Variants in AGBL3 observed in about 807,000 individuals in gnomAD.
The protein encoded by AGBL3 is AGBL carboxypeptidase 3.
In AGBL3, 68 loss-of-function variants were observed where a neutral mutation model predicts 94.5. The observed-to-expected ratio is 0.72, with a 90% CI of 0.59 to 0.88. The LOEUF (loss-of-function observed/expected upper bound fraction) is 0.88. AGBL3 is among the 40% of genes least tolerant of loss of function. AGBL3 has a pLI of 0.00. For synonymous variants in AGBL3, 354 were observed against 370.7 expected, an observed-to-expected ratio of 0.95 and a Z score of 0.52; for missense variants, 934 against 1,103.8, an observed-to-expected ratio of 0.85 and a Z score of 2.18.
chr7:135,128,790 T>G (rs1245178465), intron 16 of AGBL3: 1 of 1,223,718 alleles, frequency 8.2e-7, no homozygotes, highest in African/African-American at 1.5e-5. Context: ...CTTCTGGATC[T>G]GATACAGACC....
chr7:135,120,562 C>T (rs1294270359), intron 16 of AGBL3, among the ~76,000 whole-genome samples: 1 of 152,124 alleles, frequency 6.6e-6, no homozygotes, highest in Non-Finnish European at 1.5e-5. Context: ...AAAAGATAAA[C>T]TTTTTTTAAA....
chr7:135,013,339 G>C (rs1039647334), intron 4 of AGBL3, among the ~76,000 whole-genome samples: 1 of 152,084 alleles, frequency 6.6e-6, no homozygotes, highest in African/African-American at 2.4e-5. Context: ...TTGTAAAAAG[G>C]TTTGACAGTT....
intron 11 of AGBL3, among the ~76,000 whole-genome samples, chr7:135,054,162 A>G (rs1818131508): frequency 1.3e-5 from 2 of 152,230 alleles, no homozygotes; most frequent in Admixed American, 6.5e-5. Context: ...TTTAAGGCCT[A>G]CAATGAATTA....
chr7:135,011,736 C>A (rs1438843764), intron 4 of AGBL3: 1 of 152,128 alleles, frequency 6.6e-6, no homozygotes, highest in Non-Finnish European at 1.5e-5. Flanking sequence ...TTCTGTTTCA[C>A]AGAAACCTTG....
At chr7:135,084,329 ATTTC>A (rs1214865230) in intron 15 of AGBL3, among the ~76,000 whole-genome samples, 1 of 152,156 alleles carries the variant, frequency 6.6e-6, no homozygotes, top group Non-Finnish European at 1.5e-5. Context: ...AACAGTTATC[ATTTC>A]TTTGTGTTTG....
intron 13 of AGBL3, among the ~76,000 whole-genome samples, chr7:135,079,392 C>T (rs1207979035): frequency 6.6e-6 from 1 of 152,058 alleles, no homozygotes; most frequent in East Asian, 1.9e-4. Context: ...TGCTGCCAAT[C>T]AATTATATAT....
chr7:135,026,478 T>C (rs1022108441), intron 5 of AGBL3, among the ~76,000 whole-genome samples: 1 of 151,300 alleles, frequency 6.6e-6, no homozygotes, highest in African/African-American at 2.4e-5. Flanking sequence ...TTTCACCATG[T>C]TGGCCAGGGT....
chr7:135,020,608 A>G (rs1422791319), intron 5 of AGBL3, among the ~76,000 whole-genome samples: 2 of 152,204 alleles, frequency 1.3e-5, no homozygotes, highest in Non-Finnish European at 2.9e-5. Flanking sequence ...ATACATGCAC[A>G]CATATGTTTA....
At chr7:135,057,624 T>C (rs1426202989) in intron 11 of AGBL3, among the ~76,000 whole-genome samples, 1 of 152,170 alleles carries the variant, frequency 6.6e-6, no homozygotes, top group Admixed American at 6.5e-5. Context: ...GGAAGCCAGT[T>C]TGGCAGTTTA....
intron 8 of AGBL3, among the ~76,000 whole-genome samples, chr7:135,042,879 TCCAGCCTG>T (rs1198171054): frequency 2.0e-5 from 3 of 151,932 alleles, no homozygotes; most frequent in African/African-American, 7.3e-5. Context: ...ACCACTGCAC[TCCAGCCTG>T]GGTGACAGAG....
intron 5 of AGBL3, among the ~76,000 whole-genome samples, chr7:135,022,310 G>A (rs879226236): frequency 1.3e-5 from 2 of 152,040 alleles, no homozygotes; most frequent in Non-Finnish European, 2.9e-5. Flanking sequence ...TCTATTCTCC[G>A]CAGCCTCACC....
chr7:135,055,289 T>C (rs946238159), intron 11 of AGBL3, among the ~76,000 whole-genome samples: 4 of 152,204 alleles, frequency 2.6e-5, no homozygotes, highest in African/African-American at 7.2e-5. Flanking sequence ...CTTGTCTTAC[T>C]GTATTAGCTA....
intron 4 of AGBL3, chr7:135,010,068 C>T (rs1812926826): frequency 2.3e-6 from 1 of 432,820 alleles, no homozygotes; most frequent in South Asian, 1.6e-5. Context: ...GAGTGAGTCT[C>T]ACCAGGCTGG....
chr7:135,121,888 A>C (rs1191215507), intron 16 of AGBL3, among the ~76,000 whole-genome samples: 2 of 152,248 alleles, frequency 1.3e-5, no homozygotes, highest in African/African-American at 4.8e-5. Flanking sequence ...CTTTTTCCAC[A>C]GAACTGTGAA....
At chr7:135,131,075 A>C (rs545184648) in intron 16 of AGBL3, among the ~76,000 whole-genome samples, 1 of 152,278 alleles carries the variant, frequency 6.6e-6, no homozygotes, top group East Asian at 1.9e-4. Context: ...TGGATTGTCA[A>C]AGAGGATGCT....
chr7:135,035,066 T>C (rs1205410093), intron 7 of AGBL3, 138 bp downstream of exon 7: 4 of 792,636 alleles, frequency 5.0e-6, no homozygotes, highest in East Asian at 3.0e-5. Flanking sequence ...TTTTTCCCCG[T>C]TATTCACAAC....
At chr7:135,058,976 C>T (rs1818582725) in intron 11 of AGBL3, among the ~76,000 whole-genome samples, 193 bp from the exon 12 acceptor site, 1 of 152,140 alleles carries the variant, frequency 6.6e-6, no homozygotes, top group African/African-American at 2.4e-5. Context: ...AGGCTGGTCT[C>T]AAACTCCTGA....
At chr7:135,074,983 A>G (rs149838491) in intron 12 of AGBL3, among the ~76,000 whole-genome samples, 21 of 152,358 alleles carry the variant, frequency 1.4e-4, no homozygotes, top group African/African-American at 4.8e-4. Context: ...CATAATACCA[A>G]TTAAATTCTA....
chr7:135,024,875 G>A lies in AGBL3; in HGVS notation c.418+7716G>A, dbSNP rs575802526. ...AATCATTAACAGCAGACTAGACCAA[G>A]CTGAAGAAAACCCTCAGAGCTTGAA... On this transcript the variant is annotated intron_variant, in intron 5 of 16. Coordinates refer to ENST00000436302, the MANE Select transcript of AGBL3 (RefSeq NM_178563.4). 2.2e-4 allele frequency among the ~76,000 whole-genome samples: 32 copies of A among 148,524 alleles called. 4 individuals are homozygous for A. In the South Asian group the frequency reaches 7.4e-3, roughly 35 times the overall value.
Sources: gnomAD v4.1 joint callset for allele counts (sites outside exome capture counted in the v4.1 genomes callset) on GRCh38, gnomAD v4.1.1 for gene constraint, MANE v1.5 for transcripts, NCBI Gene and HGNC (gene_info 2026-07-23, HGNC 2026-07-21) for gene names.